Variants in PDHX observed in about 807,000 individuals in gnomAD.
The protein encoded by PDHX is pyruvate dehydrogenase complex component X.
A neutral mutation model predicts 55.3 loss-of-function variants in PDHX; 33 were observed. The ratio of observed to expected loss-of-function variants is 0.60; its 90% CI spans 0.45 to 0.80. The LOEUF (loss-of-function observed/expected upper bound fraction) is 0.80. PDHX is among the 30% of genes least tolerant of loss of function. PDHX has a pLI of 0.00. For synonymous variants in PDHX, 226 were observed against 219.4 expected (o/e 1.03, Z -0.27); for missense variants, 622 against 619.9 (o/e 1.00, Z -0.04).
intron 3 of PDHX, among the ~76,000 whole-genome samples, chr11:34,955,623 A>G (rs1326014888): frequency 1.3e-5 from 2 of 152,162 alleles, no homozygotes; most frequent in East Asian, 3.8e-4. Flanking sequence ...TAATGGTAAA[A>G]ATTGAAATGA....
chr11:34,946,462 G>A (rs147532748), intron 2 of PDHX, among the ~76,000 whole-genome samples: 1 of 151,932 alleles, frequency 6.6e-6, no homozygotes, highest in Non-Finnish European at 1.5e-5. Context: ...TGATTTCTTC[G>A]TGTGTCTCAG....
chr11:34,960,658 TATC>T, intron 5 of PDHX, 140 bp downstream of exon 5: 1 of 591,294 alleles, frequency 1.7e-6, no homozygotes, highest in African/African-American at 1.9e-5. Context: ...TAATTGCTTT[TATC>T]ATTGTAAATT....
At chr11:34,932,317 A>T (rs1430203011) in intron 2 of PDHX, among the ~76,000 whole-genome samples, 1 of 152,190 alleles carries the variant, frequency 6.6e-6, no homozygotes, top group Non-Finnish European at 1.5e-5. Flanking sequence ...AGTTAAGTAA[A>T]AAAAGAAGTG....
chr11:34,924,519 C>T (rs1223776020), intron 1 of PDHX, among the ~76,000 whole-genome samples: 1 of 152,136 alleles, frequency 6.6e-6, no homozygotes, highest in Non-Finnish European at 1.5e-5. Flanking sequence ...CTGCTCCCGG[C>T]CTACCTTATT....
At chr11:34,977,851 C>A (rs562185021) in intron 7 of PDHX, 3 of 512,386 alleles carry the variant, frequency 5.9e-6, no homozygotes, top group Non-Finnish European at 1.1e-5. Flanking sequence ...ATGGGTCCTT[C>A]AGGTTCTTGT....
At chr11:34,934,196 A>AT (rs1456784495) in intron 2 of PDHX, among the ~76,000 whole-genome samples, 1 of 152,230 alleles carries the variant, frequency 6.6e-6, no homozygotes. Flanking sequence ...AGCTGCTAAC[A>AT]TCACAAAAAG....
intron 9 of PDHX, among the ~76,000 whole-genome samples, chr11:34,986,893 C>A (rs943049452): frequency 3.9e-5 from 6 of 152,186 alleles, no homozygotes; most frequent in African/African-American, 1.4e-4. Context: ...TCTTTCCCAC[C>A]CTGCTCTCTT....
chr11:34,970,184 G>C lies in PDHX; in HGVS notation c.862G>C (p.Ala288Pro). Residue 288 changes from alanine (A) to proline (P), a missense_variant, in exon 7 of 11, where the codon GCC becomes CCC. By Grantham distance (27) the Ala-to-Pro change is conservative. Transcript: ENST00000227868. ...IPASNIRRVIAKRLTESKSTV... is the reference protein window; with the variant it reads ...IPASNIRRVIPKRLTESKSTV... Reference sequence around the variant, plus strand: ...CGCCAGCAATATTCGAAGAGTTATTGCCAAGAGATTAACTGAATCTAAAAG... The same window carrying C: ...CGCCAGCAATATTCGAAGAGTTATTCCCAAGAGATTAACTGAATCTAAAAG... 6.2e-7 allele frequency: 1 copy of C among 1,612,710 alleles called. No homozygotes were observed.
At chr11:34,916,222 C>T, upstream of PDHX, 1 of 1,610,602 alleles carries the variant, frequency 6.2e-7, no homozygotes, top group South Asian at 1.1e-5. Context: ...GTGGCCCCGC[C>T]CCTACCTGCG....
intron 9 of PDHX, among the ~76,000 whole-genome samples, chr11:34,988,249 G>A (rs1486721699): frequency 6.6e-6 from 1 of 151,998 alleles, no homozygotes; most frequent in African/African-American, 2.4e-5. Flanking sequence ...TAATAGCAGC[G>A]GGCATACTTT....
At position 34,951,795 on chromosome 11, in the gene PDHX, T is replaced by C. The variant is rs541722200; in HGVS notation, c.342+4189T>C. On this transcript the variant is annotated intron_variant, in intron 3 of 10. Coordinates refer to ENST00000227868, the MANE Select transcript of PDHX (RefSeq NM_003477.3). ...CCCATGCCTGTGTCCTGAATGGTAA[T>C]GCCTAGGTTTTCTTCTAGGGTTTTT... Among the ~76,000 whole-genome samples the C allele has an allele frequency of 1.1e-4, 16 of 152,336 alleles. No individual in the cohort carries two copies. The East Asian group carries it at 2.9e-3, about 28-fold the overall frequency.
chr11:34,987,748 GTA>G (rs1491010222), intron 9 of PDHX, among the ~76,000 whole-genome samples: 4 of 151,522 alleles, frequency 2.6e-5, no homozygotes, highest in South Asian at 2.1e-4. Context: ...GTGTGTGTGT[GTA>G]TGTGTGTGTG....
rs1216900454 is a variant in PDHX, at chr11:34,984,695, T to G, written c.1149T>G (p.Ala383=). ...CTCCAATCATAAAAGATGCTGCTGC[T>G]AAAGGTATCCAGGAAATTGCTGACT... The part of the protein sequence containing the change: ...LLTPIIKDAA[A]KGIQEIADSV... The change falls in exon 9 of 11, where the codon GCT becomes GCG. Residue 383 remains alanine (A), a synonymous_variant. Coordinates refer to ENST00000227868, the MANE Select transcript of PDHX (RefSeq NM_003477.3). 6.2e-7 allele frequency: 1 copy of G among 1,614,070 alleles called. No individual in the cohort carries two copies. Among genetic ancestry groups the G allele is most frequent in the Non-Finnish European group, 8.5e-7 (1 of 1,179,926 alleles).
chr11:34,990,675 G>A lies in PDHX; in HGVS notation c.1183-1640G>A, dbSNP rs117074530. On this transcript the variant is annotated intron_variant, in intron 9 of 10. Transcript: ENST00000227868. ...GCTTTTATAGATTATTCTCTCTCCC[G>A]TTATTCCAAGAACTGTATAAGTCAA... Among the ~76,000 whole-genome samples, 175 of 152,180 alleles carry A rather than the reference G, an allele frequency of 1.1e-3. 6 individuals are homozygous for A. In the East Asian group the frequency reaches 0.031, roughly 27 times the overall value.
chr11:34,990,370 A>G (rs1043030719), intron 9 of PDHX, among the ~76,000 whole-genome samples: 4 of 152,216 alleles, frequency 2.6e-5, no homozygotes, highest in African/African-American at 4.8e-5. Context: ...ACAAATTTAT[A>G]AAACCAACGA....
chr11:34,986,309 A>G lies in PDHX; in HGVS notation c.1182+1581A>G, dbSNP rs2133999988. 2.6e-5 allele frequency among the ~76,000 whole-genome samples: 2 copies of G among 77,820 alleles called. 1 individual carries two copies. The highest frequency in any genetic ancestry group is 0.013 in the Middle Eastern group (2 of 154). The allele number at this position is 77,820 out of a possible 152,430, so 51.1% of individuals were successfully genotyped here. A position where few individuals can be genotyped will look rare whatever the true frequency, so the allele number is the denominator to read the frequency against. ...TGACAGAGCAAGACACTGTATCTCAAAAAAAAAAAAAAAAAAAGAAAGGTA... is the reference window on the plus strand; with the variant it reads ...TGACAGAGCAAGACACTGTATCTCAGAAAAAAAAAAAAAAAAAGAAAGGTA... On this transcript the variant is annotated intron_variant, in intron 9 of 10. Transcript: ENST00000227868.
intron 9 of PDHX, among the ~76,000 whole-genome samples, chr11:34,991,924 A>C (rs1230016720): frequency 2.0e-5 from 3 of 151,210 alleles, no homozygotes; most frequent in Admixed American, 6.6e-5. Flanking sequence ...AAAAAAAAAA[A>C]AAAACTAAAA....
intron 2 of PDHX, among the ~76,000 whole-genome samples, chr11:34,938,255 C>T (rs1248073875): frequency 1.3e-5 from 2 of 151,868 alleles, no homozygotes; most frequent in Non-Finnish European, 2.9e-5. Flanking sequence ...TATTCAATAA[C>T]CCAATAGGAA....
chr11:34,960,206 A>G (rs1184416483), intron 4 of PDHX, among the ~76,000 whole-genome samples: 1 of 152,240 alleles, frequency 6.6e-6, no homozygotes, highest in Admixed American at 6.5e-5. Context: ...TTAAAATCAT[A>G]TTTAGAAATA....
Sources: gnomAD v4.1 joint callset for allele counts (sites outside exome capture counted in the v4.1 genomes callset) on GRCh38, gnomAD v4.1.1 for gene constraint, MANE v1.5 for transcripts, NCBI Gene and HGNC (gene_info 2026-07-23, HGNC 2026-07-21) for gene names.